SAMMSON: variants seen among roughly 807,000 people sequenced by gnomAD.
SAMMSON encodes long intergenic non-protein coding RNA 1212.
intron 3 of SAMMSON, among the ~76,000 whole-genome samples, chr3:70,045,471 C>A (rs976420109): frequency 6.6e-6 from 1 of 151,534 alleles, no homozygotes; most frequent in Non-Finnish European, 1.5e-5. Flanking sequence ...TAGCACACAC[C>A]TGCTCACCAA....
intron 4 of SAMMSON, chr3:70,127,637 C>T (rs140562300): frequency 1.1e-4 from 17 of 152,196 alleles, no homozygotes; most frequent in African/African-American, 4.1e-4. Flanking sequence ...TAGTCCATGC[C>T]CCACATTTTG....
intron 4 of SAMMSON, among the ~76,000 whole-genome samples, chr3:70,106,262 C>A (rs1259154988): frequency 6.6e-6 from 1 of 151,786 alleles, no homozygotes; most frequent in Admixed American, 6.6e-5. Flanking sequence ...AACATTTAAA[C>A]CAGAGCTTCT....
intron 2 of SAMMSON, among the ~76,000 whole-genome samples, chr3:70,414,262 T>G (rs1470095541): frequency 6.6e-6 from 1 of 152,106 alleles, no homozygotes; most frequent in Non-Finnish European, 1.5e-5. Context: ...GACATGGTAT[T>G]GAGAAACAAC....
intron 4 of SAMMSON, among the ~76,000 whole-genome samples, chr3:70,105,806 C>G (rs1365525201): frequency 6.6e-6 from 1 of 152,150 alleles, no homozygotes; most frequent in Non-Finnish European, 1.5e-5. Flanking sequence ...TTTTGGGTCT[C>G]TCCTTAGAGG....
intron 4 of SAMMSON, among the ~76,000 whole-genome samples, chr3:70,179,784 A>C (rs1397984476): frequency 6.6e-6 from 1 of 152,040 alleles, no homozygotes; most frequent in Admixed American, 6.5e-5. Flanking sequence ...GAATGGGGTC[A>C]ATGAACTTCT....
At chr3:70,258,177 C>G (rs1701834359) in intron 6 of SAMMSON, among the ~76,000 whole-genome samples, 1 of 152,056 alleles carries the variant, frequency 6.6e-6, no homozygotes, top group South Asian at 2.1e-4. Flanking sequence ...CAAAAACTAT[C>G]ATGTTCTAGA....
chr3:70,070,065 C>T (rs892844867), intron 3 of SAMMSON: 3 of 151,950 alleles, frequency 2.0e-5, no homozygotes, highest in South Asian at 2.1e-4. Flanking sequence ...TTCCATTCCT[C>T]GGAGTGCGAA....
rs573611065 is a variant in SAMMSON at position 70,417,049 on chromosome 3, G to A, written n.234-45511G>A. ...CTAAGACCGCTTTTCTGTTGAGCCC[G>A]GACCTCAGAATCATCTTCTACGCAA... On this transcript the variant is annotated intron_variant and non_coding_transcript_variant, in intron 2 of 3. Transcript: ENST00000641053. Among the ~76,000 whole-genome samples, 9 of 152,086 alleles carry A rather than the reference G, an allele frequency of 5.9e-5. No homozygotes were observed. In the South Asian group the frequency reaches 1.5e-3, roughly 25 times the overall value.
At chr3:70,187,091 C>T (rs1263036989) in intron 4 of SAMMSON, among the ~76,000 whole-genome samples, 1 of 152,158 alleles carries the variant, frequency 6.6e-6, no homozygotes, top group Non-Finnish European at 1.5e-5. Flanking sequence ...ACTGTGGCTC[C>T]TGAACCCACC....
At chr3:70,399,351 C>A (rs890791529) in intron 2 of SAMMSON, among the ~76,000 whole-genome samples, 1 of 152,066 alleles carries the variant, frequency 6.6e-6, no homozygotes, top group Non-Finnish European at 1.5e-5. Flanking sequence ...AGGTGGGTCA[C>A]AAAAGTATGA....
At chr3:70,424,356 G>C (rs1411522500) in intron 2 of SAMMSON, among the ~76,000 whole-genome samples, 1 of 152,090 alleles carries the variant, frequency 6.6e-6, no homozygotes, top group Admixed American at 6.6e-5. Flanking sequence ...CAGAACTCTG[G>C]TGTTCTATAG....
chr3:70,397,448 C>G (rs1285761668), intron 2 of SAMMSON, among the ~76,000 whole-genome samples: 2 of 152,060 alleles, frequency 1.3e-5, no homozygotes, highest in Non-Finnish European at 2.9e-5. Flanking sequence ...GGACCACAGG[C>G]ACACGTCACT....
At chr3:70,292,582 A>G (rs1470551076) in intron 7 of SAMMSON, among the ~76,000 whole-genome samples, 8 of 152,130 alleles carry the variant, frequency 5.3e-5, no homozygotes, top group Non-Finnish European at 8.8e-5. Context: ...TTTTTATGCC[A>G]AACTATTTTT....
intron 6 of SAMMSON, among the ~76,000 whole-genome samples, chr3:70,267,956 CTCCTT>C (rs1701935991): frequency 2.0e-5 from 3 of 151,694 alleles, no homozygotes; most frequent in South Asian, 4.2e-4. Context: ...CTTTCCCCTT[CTCCTT>C]TCCTTTCGCC....
chr3:70,433,711 T>TA (rs376481910), intron 2 of SAMMSON, among the ~76,000 whole-genome samples: 3 of 151,970 alleles, frequency 2.0e-5, no homozygotes, highest in African/African-American at 4.8e-5. Flanking sequence ...ATATTGTATC[T>TA]AAAAAAAATC....
At chr3:70,142,068 T>G (rs2067529709) in intron 4 of SAMMSON, among the ~76,000 whole-genome samples, 1 of 152,092 alleles carries the variant, frequency 6.6e-6, no homozygotes, top group Non-Finnish European at 1.5e-5. Flanking sequence ...AGGGAACACT[T>G]CTACACTGCT....
At chr3:70,376,688 A>G (rs1703018746) in intron 9 of SAMMSON, among the ~76,000 whole-genome samples, 1 of 152,110 alleles carries the variant, frequency 6.6e-6, no homozygotes, top group Non-Finnish European at 1.5e-5. Flanking sequence ...TCTCATCCAG[A>G]GCCAGGCTCT....
intron 4 of SAMMSON, among the ~76,000 whole-genome samples, chr3:70,172,096 C>A (rs1478229647): frequency 6.6e-6 from 1 of 151,920 alleles, no homozygotes; most frequent in Non-Finnish European, 1.5e-5. Flanking sequence ...TCCACTAGAA[C>A]TACATTTCCT....
At chr3:70,128,975 T>A (rs1169129841) in intron 4 of SAMMSON, among the ~76,000 whole-genome samples, 1 of 152,194 alleles carries the variant, frequency 6.6e-6, no homozygotes, top group Non-Finnish European at 1.5e-5. Flanking sequence ...ATTTTCAATT[T>A]AAAAACTGCC....
Sources: gnomAD v4.1 joint callset for allele counts (sites outside exome capture counted in the v4.1 genomes callset) on GRCh38, gnomAD v4.1.1 for gene constraint, MANE v1.5 for transcripts, NCBI Gene and HGNC (gene_info 2026-07-23, HGNC 2026-07-21) for gene names.